The following FRMD6 variants were observed in gnomAD, a reference collection of about 807,000 sequenced individuals.
The protein encoded by FRMD6 is FERM domain containing 6.
A neutral mutation model predicts 73.2 loss-of-function variants in FRMD6; 37 were observed. The ratio of observed to expected loss-of-function variants is 0.51; its 90% CI spans 0.39 to 0.66. The LOEUF is 0.66. Ranked by LOEUF, FRMD6 falls within the 30% of genes least tolerant of loss-of-function variation. The pLI, the probability that FRMD6 is intolerant of heterozygous loss-of-function variation, is 0.00. For synonymous variants in FRMD6, 273 were observed against 282.2 expected (o/e 0.97, Z 0.33); for missense variants, 714 against 780.5 (o/e 0.91, Z 1.02).
intron 1 of FRMD6, among the ~76,000 whole-genome samples, chr14:51,679,958 AAAG>A (rs1259688238): frequency 1.3e-5 from 2 of 152,342 alleles, no homozygotes; most frequent in Non-Finnish European, 2.9e-5. Flanking sequence ...AAATAATGCC[AAAG>A]AAGAAGGGGG....
chr14:51,668,924 C>G (rs1049898025), intron 1 of FRMD6, among the ~76,000 whole-genome samples: 5 of 152,168 alleles, frequency 3.3e-5, no homozygotes, highest in African/African-American at 1.2e-4. Flanking sequence ...CCACTTCAGC[C>G]TCCCAAAGTG....
chr14:51,727,566 C>A (rs1428315512), intron 13 of FRMD6, among the ~76,000 whole-genome samples, 179 bp from the exon 14 acceptor site: 1 of 152,196 alleles, frequency 6.6e-6, no homozygotes, highest in Non-Finnish European at 1.5e-5. Flanking sequence ...GCTATTATTA[C>A]TGATGGAGGT....
the FRMD6 span, among the ~76,000 whole-genome samples, chr14:51,424,022 A>G: frequency 6.6e-6 from 1 of 152,272 alleles, no homozygotes; most frequent in Non-Finnish European, 1.5e-5. Flanking sequence ...CATTGTATAT[A>G]CAACAGTAAA....
intron 1 of FRMD6, among the ~76,000 whole-genome samples, chr14:51,550,583 C>A (rs544362333): frequency 1.3e-5 from 2 of 149,554 alleles, no homozygotes; most frequent in Non-Finnish European, 3.0e-5. Context: ...GGAGGAGACC[C>A]CCCCGCCATG....
chr14:51,724,964 C>A (rs1470507667), intron 12 of FRMD6, among the ~76,000 whole-genome samples: 2 of 152,076 alleles, frequency 1.3e-5, no homozygotes, highest in Non-Finnish European at 2.9e-5. Flanking sequence ...GGGTTTCCAC[C>A]GAGTGCTAAA....
At chr14:51,515,902 G>A (rs918905149) in intron 1 of FRMD6, among the ~76,000 whole-genome samples, 3 of 152,258 alleles carry the variant, frequency 2.0e-5, no homozygotes, top group East Asian at 1.9e-4. Context: ...AATGTGAGAC[G>A]TTTTAGAAAA....
At chr14:51,704,088 G>A (rs771118785) in intron 5 of FRMD6, among the ~76,000 whole-genome samples, 3 of 151,868 alleles carry the variant, frequency 2.0e-5, no homozygotes, top group Non-Finnish European at 4.4e-5. Context: ...AATAATTGTC[G>A]TGACATGTGC....
Position 51,596,314 on chromosome 14 carries a change from C to T in FRMD6, c.-147+25904C>T, listed in dbSNP as rs1376922689. 4.0e-5 allele frequency among the ~76,000 whole-genome samples: 6 copies of T among 151,266 alleles called. No homozygotes were observed. In the East Asian group the frequency reaches 7.8e-4, roughly 20 times the overall value. Reference sequence around the variant, plus strand: ...GTGAAATTCCACAGGAAATCTGATACGTAGCCAGAATCAAGCACCCTCACA... The same window carrying T: ...GTGAAATTCCACAGGAAATCTGATATGTAGCCAGAATCAAGCACCCTCACA... On this transcript the variant is annotated intron_variant, in intron 2 of 14. Transcript: ENST00000356218.
At chr14:51,422,498 TAAA>T in the FRMD6 span, among the ~76,000 whole-genome samples, 4 of 151,898 alleles carry the variant, frequency 2.6e-5, no homozygotes, top group African/African-American at 9.7e-5. Flanking sequence ...TGATTACAAA[TAAA>T]AAATTATATG....
At chr14:51,428,071 G>A in the FRMD6 span, among the ~76,000 whole-genome samples, 1 of 152,144 alleles carries the variant, frequency 6.6e-6, no homozygotes, top group Non-Finnish European at 1.5e-5. Context: ...TCTGGGCTGT[G>A]GGAAGAATCT....
At chr14:51,661,039 C>G (rs1032908390) in intron 1 of FRMD6, among the ~76,000 whole-genome samples, 1 of 152,140 alleles carries the variant, frequency 6.6e-6, no homozygotes, top group African/African-American at 2.4e-5. Context: ...CTTGTGTGGA[C>G]TGTATTCAGG....
intron 6 of FRMD6, among the ~76,000 whole-genome samples, chr14:51,707,760 T>C (rs902787609): frequency 6.6e-6 from 1 of 152,152 alleles, no homozygotes; most frequent in Non-Finnish European, 1.5e-5. Context: ...TAAACAATTA[T>C]GTGTACAAAA....
At chr14:51,576,972 C>G (rs1888440337) in intron 2 of FRMD6, among the ~76,000 whole-genome samples, 1 of 152,182 alleles carries the variant, frequency 6.6e-6, no homozygotes, top group African/African-American at 2.4e-5. Flanking sequence ...TTTTAAAGCA[C>G]TATGCAAATG....
rs745627482 is a variant in FRMD6 at position 51,720,141 on chromosome 14, A to G, written c.1111A>G (p.Ser371Gly). The G allele has an allele frequency of 1.7e-5, 28 of 1,613,740 alleles. No homozygotes were observed. The highest frequency in any genetic ancestry group is 2.1e-5 in the Non-Finnish European group (25 of 1,180,026). ...QLEKRSRASGSSAGSMKHKRL... is the reference protein window; with the variant it reads ...QLEKRSRASGGSAGSMKHKRL... ...GGAAAAACGGTCGCGGGCCAGCGGGAGCAGTGCGGGCAGCATGAAACACAA... is the reference window on the plus strand; with the variant it reads ...GGAAAAACGGTCGCGGGCCAGCGGGGGCAGTGCGGGCAGCATGAAACACAA... Residue 371 changes from serine to glycine, a missense_variant, in exon 11 of 14, where the codon AGC becomes GGC. Ser to Gly is a moderately conservative substitution (Grantham distance 56). Transcript: ENST00000344768.
the FRMD6 span, among the ~76,000 whole-genome samples, chr14:51,421,056 G>A: frequency 4.9e-4 from 75 of 152,244 alleles, 1 homozygote; most frequent in Admixed American, 3.4e-3. Flanking sequence ...GATTACAGAC[G>A]TGAGCCACTG....
chr14:51,559,031 T>C (rs1887322725), intron 1 of FRMD6, among the ~76,000 whole-genome samples: 1 of 152,230 alleles, frequency 6.6e-6, no homozygotes, highest in South Asian at 2.1e-4. Context: ...AGTGTGTGGA[T>C]TGGTTTCAGT....
chr14:51,460,449 A>C, the FRMD6 span, among the ~76,000 whole-genome samples: 194 of 152,330 alleles, frequency 1.3e-3, no homozygotes, highest in Non-Finnish European at 2.2e-3. Context: ...ATTTCCATAA[A>C]ATAGATTCCT....
intron 7 of FRMD6, among the ~76,000 whole-genome samples, chr14:51,709,444 C>G (rs1428460156): frequency 1.3e-5 from 2 of 152,208 alleles, no homozygotes; most frequent in East Asian, 3.9e-4. Context: ...CTCTACTTTG[C>G]CTTTTGTGGT....
At chr14:51,659,556 G>A (rs1251728149) in intron 1 of FRMD6, among the ~76,000 whole-genome samples, 1 of 152,202 alleles carries the variant, frequency 6.6e-6, no homozygotes, top group Non-Finnish European at 1.5e-5. Context: ...AATTGATCGA[G>A]TTATTTTTCT....
Sources: allele counts gnomAD v4.1 joint callset (sites outside exome capture counted in the v4.1 genomes callset), GRCh38; gene constraint gnomAD v4.1.1; transcripts MANE v1.5; gene names NCBI Gene and HGNC (gene_info 2026-07-23, HGNC 2026-07-21).